Variants in DNER observed in about 807,000 individuals in gnomAD.
The protein encoded by DNER is delta and Notch-like epidermal growth factor-related receptor.
Under a neutral mutation model 78.2 loss-of-function variants are expected in DNER, and 33 were observed. The ratio of observed to expected loss-of-function variants is 0.42; its 90% CI spans 0.32 to 0.56. DNER has a LOEUF of 0.56. Ranked by LOEUF, DNER falls within the 20% of genes least tolerant of loss-of-function variation. The pLI is 0.11. For missense variants in DNER, 918 were observed against 975.3 expected, an observed-to-expected ratio of 0.94 and a Z score of 0.78; for synonymous variants, 417 against 384.8, an observed-to-expected ratio of 1.08 and a Z score of -0.98.
Position 229,543,094 on chromosome 2 carries a change from G to A in DNER, c.993+3853C>T, listed in dbSNP as rs182699572. The stretch of plus-strand genomic sequence containing the variant: ...CGGAAGGAGGAGGTGTTAGCTCAGA[G>A]GCACCAGAAGCTCTTCAAAAACCTG... On this transcript the variant is annotated intron_variant, in intron 5 of 12. Coordinates refer to ENST00000341772, the MANE Select transcript of DNER (RefSeq NM_139072.4). 6.6e-5 allele frequency among the ~76,000 whole-genome samples: 10 copies of A among 152,178 alleles called. No homozygotes were observed. In the East Asian group the frequency reaches 1.9e-3, roughly 29 times the overall value.
In DNER at chr2:229,397,394, C is replaced by T. The variant is rs567374875; in HGVS notation, c.1724-8998G>A. On this transcript the variant is annotated intron_variant, in intron 10 of 12. Coordinates refer to ENST00000341772, the MANE Select transcript of DNER (RefSeq NM_139072.4). Reference sequence around the variant, plus strand: ...AAGCCTGTTCTCTGTAACCAAAGAACCAAGATAGGGGCAGCCTAACAAGAC... The same window carrying T: ...AAGCCTGTTCTCTGTAACCAAAGAATCAAGATAGGGGCAGCCTAACAAGAC... 3.4e-5 allele frequency among the ~76,000 whole-genome samples: 5 copies of T among 148,908 alleles called. No individual in the cohort carries two copies. The East Asian group carries it at 6.0e-4, about 18-fold the overall frequency.
Position 229,591,810 on chromosome 2 carries a change from A to C in DNER, c.355T>G (p.Tyr119Asp), listed in dbSNP as rs774350468. The C allele has an allele frequency of 1.2e-6, 2 of 1,613,662 alleles. No individual in the cohort carries two copies. Among genetic ancestry groups the C allele is most frequent in the South Asian group, 1.1e-5 (1 of 90,984 alleles). The change falls in exon 2 of 13, where the codon TAC becomes GAC. Residue 119 changes from tyrosine (Y) to aspartate (D), a missense_variant. Transcript: ENST00000341772. This position sits in a 1 kb window ranked among gnomAD's most constrained non-coding sequence, Gnocchi z 4.6. ...TAGCCTTCATTGCAAATGCAGAGGTAGCCATCGCTGCTGCTGCTGCTGCTG... is the reference window on the plus strand; with the variant it reads ...TAGCCTTCATTGCAAATGCAGAGGTCGCCATCGCTGCTGCTGCTGCTGCTG... ...SSSSSSSSDG[Y>D]LCICNEGYEG...
intron 1 of DNER, among the ~76,000 whole-genome samples, chr2:229,609,109 G>C (rs1436308148): frequency 6.6e-6 from 1 of 152,216 alleles, no homozygotes; most frequent in Non-Finnish European, 1.5e-5. Flanking sequence ...TGTAATCTCA[G>C]CTACTTGGGA....
In DNER at chr2:229,639,650, A is replaced by G. The variant is rs151084122; in HGVS notation, c.277-47762T>C. Among the ~76,000 whole-genome samples, 747 of 152,320 alleles carry G rather than the reference A, an allele frequency of 4.9e-3. 7 individuals are homozygous for G. Among genetic ancestry groups the G allele is most frequent in the African/African-American group, 0.017 (695 of 41,566 alleles). On this transcript the variant is annotated intron_variant, in intron 1 of 12. Transcript: ENST00000341772. ...TAATGATTCCTAAATGCATTATAAA[A>G]CTAAGCTTTTGAGGGTTTATATTTG...
Position 229,706,521 on chromosome 2 carries a change from C to G in DNER, c.276+7627G>C, listed in dbSNP as rs1247644489. Among the ~76,000 whole-genome samples, 4 of 152,120 alleles carry G rather than the reference C, an allele frequency of 2.6e-5. No homozygotes were observed. In the South Asian group the frequency reaches 8.3e-4, roughly 31 times the overall value. ...GAGGCAGCAGTGAGCCGAGATCACA[C>G]CACTGCACTACAGCCTGGGTGACAG... On this transcript the variant is annotated intron_variant, in intron 1 of 12. Coordinates refer to ENST00000341772, the MANE Select transcript of DNER (RefSeq NM_139072.4).
intron 7 of DNER, among the ~76,000 whole-genome samples, chr2:229,455,418 G>A (rs55889076): frequency 0.1 from 15,305 of 152,002 alleles, 1,819 homozygotes; most frequent in African/African-American, 0.28. Context: ...GTGGTTCTGG[G>A]GTAATCTCAA....
intron 7 of DNER, among the ~76,000 whole-genome samples, chr2:229,455,143 C>T (rs1330170469): frequency 6.6e-6 from 1 of 152,056 alleles, no homozygotes; most frequent in East Asian, 1.9e-4. Context: ...TCTTCTTGTT[C>T]ATATGACATC....
chr2:229,588,812 C>T (rs1697547739), intron 2 of DNER, among the ~76,000 whole-genome samples: 1 of 152,098 alleles, frequency 6.6e-6, no homozygotes, highest in Admixed American at 6.5e-5. Flanking sequence ...AGTCATTGAC[C>T]CCTGCACTAT....
chr2:229,587,337 C>A (rs2154214504), intron 3 of DNER, among the ~76,000 whole-genome samples: 1 of 152,322 alleles, frequency 6.6e-6, no homozygotes, highest in South Asian at 2.1e-4. Flanking sequence ...CCCGCCTCTC[C>A]GGATGGGAGC....
At chr2:229,606,774 T>G (rs1271276615) in intron 1 of DNER, among the ~76,000 whole-genome samples, 1 of 152,032 alleles carries the variant, frequency 6.6e-6, no homozygotes, top group African/African-American at 2.4e-5. Flanking sequence ...GCTCCTGTAA[T>G]CCCAGCTACT....
intron 1 of DNER, among the ~76,000 whole-genome samples, chr2:229,669,132 C>T (rs1235489901): frequency 2.6e-5 from 4 of 151,944 alleles, no homozygotes; most frequent in African/African-American, 9.7e-5. Flanking sequence ...AACCAAATAC[C>T]ACATGTTCTC....
chr2:229,665,417 C>T (rs548404843), intron 1 of DNER, among the ~76,000 whole-genome samples: 4 of 151,844 alleles, frequency 2.6e-5, no homozygotes, highest in South Asian at 2.1e-4. Flanking sequence ...CACAGAGAGC[C>T]GAGGAAATGG....
chr2:229,401,558 GA>G (rs200227933), intron 10 of DNER, among the ~76,000 whole-genome samples: 1 of 150,456 alleles, frequency 6.6e-6, no homozygotes. Flanking sequence ...ACGCTGAGTA[GA>G]AAAAAAAATC....
At chr2:229,542,225 C>G (rs1696529984) in intron 5 of DNER, among the ~76,000 whole-genome samples, 1 of 151,912 alleles carries the variant, frequency 6.6e-6, no homozygotes, top group Non-Finnish European at 1.5e-5. Context: ...TGAACAAGTT[C>G]AGAGAGAGAT....
intron 4 of DNER, among the ~76,000 whole-genome samples, chr2:229,563,691 C>CCGT (rs1189460952): frequency 4.5e-5 from 6 of 134,694 alleles, no homozygotes; most frequent in African/African-American, 1.7e-4. Context: ...CACCCCATCA[C>CCGT]CGTCATCATC....
chr2:229,656,564 G>C (rs1197259995), intron 1 of DNER, among the ~76,000 whole-genome samples: 1 of 151,994 alleles, frequency 6.6e-6, no homozygotes, highest in African/African-American at 2.4e-5. Flanking sequence ...CACTGCAAGG[G>C]AACCAGCATC....
chr2:229,650,664 CT>C (rs1698800422), intron 1 of DNER, among the ~76,000 whole-genome samples: 1 of 152,102 alleles, frequency 6.6e-6, no homozygotes, highest in African/African-American at 2.4e-5. Flanking sequence ...TTCAGGGTTC[CT>C]TTTCGTAGTA....
At chr2:229,546,802 TAGACAGACAGACAGACAGAC>T (rs113820870) in intron 5 of DNER, 125 bp downstream of exon 5, 16 of 1,107,940 alleles carry the variant, frequency 1.4e-5, no homozygotes, top group Middle Eastern at 2.4e-4. Flanking sequence ...GATAGATAGA[TAGACAGACAGACAGACAGAC>T]AGACAGACAG....
At chr2:229,530,579 G>C (rs770153859) in intron 5 of DNER, among the ~76,000 whole-genome samples, 3 of 152,252 alleles carry the variant, frequency 2.0e-5, no homozygotes, top group Non-Finnish European at 4.4e-5. Context: ...GCAATGGCCC[G>C]AGAGGGCCTG....
Sources: allele counts gnomAD v4.1 joint callset (sites outside exome capture counted in the v4.1 genomes callset), GRCh38; gene constraint gnomAD v4.1.1; non-coding constraint Gnocchi (gnomAD v3.1); transcripts MANE v1.5; gene names NCBI Gene and HGNC (gene_info 2026-07-23, HGNC 2026-07-21).